Variants in SNTG1 observed in about 807,000 individuals in gnomAD.
The protein encoded by SNTG1 is syntrophin gamma 1.
Under a neutral mutation model 74.7 loss-of-function variants are expected in SNTG1, and 39 were observed. The observed-to-expected ratio is 0.52, with a 90% CI of 0.40 to 0.68. The LOEUF is 0.68. Among genes scored for constraint, SNTG1 ranks in the 30% least tolerant of loss-of-function variants. SNTG1 has a pLI of 0.00. For synonymous variants in SNTG1, 254 were observed against 217.1 expected, an observed-to-expected ratio of 1.17 and a Z score of -1.49; for missense variants, 685 against 609.5, an observed-to-expected ratio of 1.12 and a Z score of -1.30.
At chr8:50,475,867 A>G (rs2093693246) in intron 8 of SNTG1, among the ~76,000 whole-genome samples, 1 of 152,238 alleles carries the variant, frequency 6.6e-6, no homozygotes, top group Non-Finnish European at 1.5e-5. Flanking sequence ...AATAAACTGC[A>G]TAAATACTAT....
In SNTG1 at chr8:50,240,470, C is replaced by T. The variant is rs560312971; in HGVS notation, c.-28+67835C>T. On this transcript the variant is annotated intron_variant, in intron 2 of 18. Coordinates refer to ENST00000642720, the MANE Select transcript of SNTG1 (RefSeq NM_018967.5). ...TACATTTGAAATAATTTAAATTTTA[C>T]GAACCATCATGAATCCTGAACTCTA... Among the ~76,000 whole-genome samples the T allele has an allele frequency of 1.9e-3, 286 of 152,232 alleles. 2 individuals carry two copies. The highest frequency in any genetic ancestry group is 6.4e-3 in the African/African-American group (267 of 41,550).
At chr8:50,146,703 C>A (rs1470722720) in intron 1 of SNTG1, among the ~76,000 whole-genome samples, 4 of 152,028 alleles carry the variant, frequency 2.6e-5, no homozygotes, top group Admixed American at 2.6e-4. Context: ...TCCTCACCAG[C>A]CATTGATATT....
chr8:50,465,063 AC>A (rs2093598337), intron 8 of SNTG1, among the ~76,000 whole-genome samples: 1 of 152,118 alleles, frequency 6.6e-6, no homozygotes, highest in African/African-American at 2.4e-5. Flanking sequence ...GCACAAGGAA[AC>A]AAGGTGTGCT....
At chr8:50,327,298 T>C (rs2090787524) in intron 2 of SNTG1, among the ~76,000 whole-genome samples, 1 of 152,136 alleles carries the variant, frequency 6.6e-6, no homozygotes, top group African/African-American at 2.4e-5. Context: ...TTCACCCTTT[T>C]CTCCTTGCAG....
intron 2 of SNTG1, among the ~76,000 whole-genome samples, chr8:50,387,672 C>T (rs1301669088): frequency 2.0e-5 from 3 of 152,084 alleles, no homozygotes; most frequent in African/African-American, 4.8e-5. Context: ...CCATTCCACA[C>T]GTATTTCCCA....
chr8:50,255,517 C>G (rs2086840984), intron 2 of SNTG1, among the ~76,000 whole-genome samples: 1 of 152,062 alleles, frequency 6.6e-6, no homozygotes, highest in Non-Finnish European at 1.5e-5. Context: ...AAGTTGCTGG[C>G]CATGTTGTTT....
chr8:50,244,460 T>TCATGA (rs953675737), intron 2 of SNTG1, among the ~76,000 whole-genome samples: 4 of 152,210 alleles, frequency 2.6e-5, no homozygotes, highest in African/African-American at 9.6e-5. Context: ...TATTTGTGTT[T>TCATGA]CATGACACTC....
intron 18 of SNTG1, among the ~76,000 whole-genome samples, chr8:50,756,800 A>G (rs1171441973): frequency 6.6e-6 from 1 of 151,762 alleles, no homozygotes. Flanking sequence ...TCAATATCCA[A>G]AATTACTTGC....
At chr8:50,278,200 A>C (rs1021194280) in intron 2 of SNTG1, among the ~76,000 whole-genome samples, 1 of 152,022 alleles carries the variant, frequency 6.6e-6, no homozygotes, top group African/African-American at 2.4e-5. Flanking sequence ...AAGGACTTAT[A>C]TTAATTAATA....
chr8:50,065,730 T>C (rs1436183791), intron 1 of SNTG1, among the ~76,000 whole-genome samples: 21 of 152,202 alleles, frequency 1.4e-4, no homozygotes. Flanking sequence ...GAGCTTAAGT[T>C]CTTAAATATG....
At chr8:50,364,401 G>T (rs542240165) in intron 2 of SNTG1, among the ~76,000 whole-genome samples, 2 of 152,250 alleles carry the variant, frequency 1.3e-5, no homozygotes, top group South Asian at 2.1e-4. Context: ...ACCAAATACG[G>T]ATTTCTATGA....
At chr8:50,482,748 G>A (rs1487400107) in intron 8 of SNTG1, among the ~76,000 whole-genome samples, 1 of 152,076 alleles carries the variant, frequency 6.6e-6, no homozygotes, top group Non-Finnish European at 1.5e-5. Context: ...AAACATGAGG[G>A]GGCTAATACT....
intron 2 of SNTG1, 77 bp from the exon 3 acceptor site, chr8:50,394,135 A>T: frequency 8.6e-7 from 1 of 1,162,788 alleles, no homozygotes; most frequent in South Asian, 1.5e-5. Context: ...CTGCTTCACG[A>T]TTTCCTCCAC....
chr8:50,630,648 G>A (rs553864173), intron 13 of SNTG1, among the ~76,000 whole-genome samples: 1 of 152,278 alleles, frequency 6.6e-6, no homozygotes, highest in East Asian at 1.9e-4. Flanking sequence ...TACAGCCAAA[G>A]TAATCTCAAT....
intron 5 of SNTG1, among the ~76,000 whole-genome samples, chr8:50,443,946 C>A (rs900122795): frequency 2.0e-5 from 3 of 151,894 alleles, no homozygotes; most frequent in Non-Finnish European, 4.4e-5. Flanking sequence ...CCAGCTTGAC[C>A]AACATGGTGA....
intron 2 of SNTG1, among the ~76,000 whole-genome samples, chr8:50,278,065 A>G (rs2088218122): frequency 6.6e-6 from 1 of 152,042 alleles, no homozygotes; most frequent in Admixed American, 6.6e-5. Flanking sequence ...CTCAGCTGCT[A>G]AGGAGGCTGA....
At chr8:50,093,990 C>A (rs2079838288) in intron 1 of SNTG1, among the ~76,000 whole-genome samples, 1 of 152,142 alleles carries the variant, frequency 6.6e-6, no homozygotes, top group Non-Finnish European at 1.5e-5. Context: ...GAAAAGCCAT[C>A]TGTCTATGTG....
intron 18 of SNTG1, 90 bp downstream of exon 18, chr8:50,752,201 C>T (rs1257477598): frequency 5.2e-6 from 3 of 582,440 alleles, no homozygotes; most frequent in African/African-American, 3.8e-5. Context: ...AATCACAAGA[C>T]CAAAAACACA....
At chr8:50,442,032 T>C (rs2093362382) in intron 5 of SNTG1, among the ~76,000 whole-genome samples, 1 of 152,164 alleles carries the variant, frequency 6.6e-6, no homozygotes, top group Non-Finnish European at 1.5e-5. Context: ...GAGCACAATG[T>C]CCAGCTTTAG....
Sources: allele counts gnomAD v4.1 joint callset (sites outside exome capture counted in the v4.1 genomes callset), GRCh38; gene constraint gnomAD v4.1.1; transcripts MANE v1.5; gene names NCBI Gene and HGNC (gene_info 2026-07-23, HGNC 2026-07-21).